Variants in LRP1B observed in about 807,000 individuals in gnomAD.
LRP1B encodes the protein LDL receptor related protein 1B, also known as low-density lipoprotein receptor-related protein 1B.
A neutral mutation model predicts 556.6 loss-of-function variants in LRP1B; 217 were observed. The observed-to-expected ratio is 0.39, with a 90% confidence interval of 0.35 to 0.44. The LOEUF (loss-of-function observed/expected upper bound fraction) is 0.44, where lower values mean the gene tolerates loss of function less well. Ranked by LOEUF, LRP1B falls within the 20% of genes least tolerant of loss-of-function variation. The pLI is 1.00. For synonymous variants in LRP1B, 2,047 were observed against 1,865.8 expected (o/e 1.10, Z -2.50); for missense variants, 5,053 against 5,620.8 (o/e 0.90, Z 3.23).
At chr2:140,306,654 C>T (rs1684081303) in intron 83 of LRP1B, among the ~76,000 whole-genome samples, 1 of 151,700 alleles carries the variant, frequency 6.6e-6, no homozygotes. Context: ...GCCTCTATCT[C>T]CTTCAGCTCT....
chr2:140,669,966 A>G (rs1449759572), intron 41 of LRP1B, among the ~76,000 whole-genome samples: 4 of 152,144 alleles, frequency 2.6e-5, no homozygotes, highest in African/African-American at 9.6e-5. Context: ...CTTAACATAA[A>G]TTATCCTTCG....
chr2:141,408,492 A>G (rs1690723985), intron 3 of LRP1B, among the ~76,000 whole-genome samples: 1 of 152,104 alleles, frequency 6.6e-6, no homozygotes, highest in Non-Finnish European at 1.5e-5. Flanking sequence ...AGGTCCAGGA[A>G]TAGCTTCTTG....
intron 2 of LRP1B, among the ~76,000 whole-genome samples, chr2:141,689,552 T>C (rs1691437126): frequency 1.3e-5 from 2 of 151,942 alleles, no homozygotes; most frequent in East Asian, 3.9e-4. Context: ...TTATTGTATA[T>C]TGTATATATA....
intron 73 of LRP1B, 43 bp downstream of exon 73, chr2:140,358,778 C>T (rs2105137462): frequency 1.3e-6 from 2 of 1,595,412 alleles, no homozygotes; most frequent in Middle Eastern, 1.7e-4. Context: ...CATCAGAGAA[C>T]CTCATAGCCA....
At chr2:140,716,439 T>G (rs951648130) in intron 36 of LRP1B, among the ~76,000 whole-genome samples, 1 of 152,092 alleles carries the variant, frequency 6.6e-6, no homozygotes, top group Non-Finnish European at 1.5e-5. Flanking sequence ...ACCTGCCTTC[T>G]GGAGCTCTCA....
At chr2:140,859,860 C>T (rs1369448029) in intron 27 of LRP1B, among the ~76,000 whole-genome samples, 5 of 151,768 alleles carry the variant, frequency 3.3e-5, no homozygotes, top group East Asian at 1.9e-4. Flanking sequence ...CCGAGTGTGG[C>T]GGCGGACACC....
At position 140,390,086 on chromosome 2, in the gene LRP1B, G is replaced by A. The variant is rs191093005; in HGVS notation, c.10415-4077C>T. Among the ~76,000 whole-genome samples the A allele has an allele frequency of 1.6e-3, 247 of 152,074 alleles. 2 individuals are homozygous for A. Among genetic ancestry groups the A allele is most frequent in the Non-Finnish European group, 5.6e-4 (38 of 67,970 alleles). On this transcript the variant is annotated intron_variant, in intron 66 of 90. Transcript: ENST00000389484. ...CAGAGGTTGCAGTGAGCTGTGCCAT[G>A]CTGTTGCACTCCAGCCTAGGTGACA...
intron 3 of LRP1B, among the ~76,000 whole-genome samples, chr2:141,303,920 T>C (rs1686488240): frequency 6.6e-6 from 1 of 152,152 alleles, no homozygotes; most frequent in Non-Finnish European, 1.5e-5. Flanking sequence ...CTTACCAACA[T>C]CTTTTATTAT....
chr2:140,670,053 C>G (rs751486418), intron 41 of LRP1B, among the ~76,000 whole-genome samples: 1 of 152,042 alleles, frequency 6.6e-6, no homozygotes. Context: ...AGAAGTAGCA[C>G]AGATTTTGGC....
chr2:140,731,029 A>G (rs897560245), intron 35 of LRP1B, among the ~76,000 whole-genome samples: 10 of 152,044 alleles, frequency 6.6e-5, no homozygotes, highest in Non-Finnish European at 1.2e-4. Flanking sequence ...CACACGCAAC[A>G]TGTCATTTCT....
intron 41 of LRP1B, among the ~76,000 whole-genome samples, chr2:140,655,300 C>T (rs1684839503): frequency 6.6e-6 from 1 of 152,062 alleles, no homozygotes; most frequent in African/African-American, 2.4e-5. Flanking sequence ...TGATGTTAAT[C>T]GTCTATTTTA....
At chr2:141,163,958 T>A (rs904326749) in intron 7 of LRP1B, among the ~76,000 whole-genome samples, 1 of 152,110 alleles carries the variant, frequency 6.6e-6, no homozygotes, top group Non-Finnish European at 1.5e-5. Context: ...AATTTGACAT[T>A]ATATTACTAT....
chr2:140,426,645 A>G (rs141950313), intron 66 of LRP1B, among the ~76,000 whole-genome samples: 1,553 of 151,954 alleles, frequency 0.01, 35 homozygotes, highest in African/African-American at 0.035. Flanking sequence ...TTTGACTGTA[A>G]TTTTCCTTTA....
At chr2:140,246,486 CG>C (rs542706652) in intron 87 of LRP1B, among the ~76,000 whole-genome samples, 27 of 150,838 alleles carry the variant, frequency 1.8e-4, no homozygotes, top group Non-Finnish European at 3.4e-4. Flanking sequence ...AGACCCACAA[CG>C]ATGATATAGA....
At chr2:141,807,773 C>T (rs560265372) in intron 2 of LRP1B, among the ~76,000 whole-genome samples, 2 of 152,154 alleles carry the variant, frequency 1.3e-5, no homozygotes, top group East Asian at 3.9e-4. Flanking sequence ...GGCAGGGTGG[C>T]TATTCAAATA....
chr2:140,517,063 TA>T, intron 49 of LRP1B, 52 bp from the exon 50 acceptor site: 1 of 1,333,114 alleles, frequency 7.5e-7, no homozygotes, highest in Non-Finnish European at 1.1e-6. Context: ...TTCTGAAATA[TA>T]GGTAGATAAA....
chr2:141,181,576 G>A (rs1386912117), intron 7 of LRP1B, among the ~76,000 whole-genome samples: 5 of 151,794 alleles, frequency 3.3e-5, no homozygotes, highest in African/African-American at 7.2e-5. Context: ...AATGGCAAAG[G>A]GAGCAAGTAG....
At chr2:140,249,856 T>TGA (rs148404645) in intron 86 of LRP1B, among the ~76,000 whole-genome samples, 5 of 151,982 alleles carry the variant, frequency 3.3e-5, no homozygotes, top group Non-Finnish European at 7.4e-5. Context: ...TCTTCATACT[T>TGA]TAAGTAGACT....
chr2:140,624,073 A>G (rs1683563802), intron 41 of LRP1B, among the ~76,000 whole-genome samples: 1 of 151,422 alleles, frequency 6.6e-6, no homozygotes, highest in African/African-American at 2.4e-5. Flanking sequence ...AATAATAAAT[A>G]CAATGTAATT....
Sources: allele counts gnomAD v4.1 joint callset (sites outside exome capture counted in the v4.1 genomes callset), GRCh38; gene constraint gnomAD v4.1.1; transcripts MANE v1.5; gene names NCBI Gene and HGNC (gene_info 2026-07-23, HGNC 2026-07-21).